ABCB9: variants seen among roughly 807,000 people sequenced by gnomAD.
ABCB9 encodes ABC-type oligopeptide transporter ABCB9.
In ABCB9, 36 loss-of-function variants were observed where a neutral mutation model predicts 62.0. The ratio of observed to expected loss-of-function variants is 0.58; its 90% CI spans 0.45 to 0.77. The LOEUF is 0.77. Among genes scored for constraint, ABCB9 ranks in the 30% least tolerant of loss-of-function variants. ABCB9 has a pLI of 0.00. For missense variants in ABCB9, 943 were observed against 1,054.7 expected (o/e 0.89, Z 1.47); for synonymous variants, 435 against 461.4 (o/e 0.94, Z 0.73).
chr12:122,967,436 A>G (rs78262947), upstream of ABCB9, among the ~76,000 whole-genome samples: 6,728 of 152,200 alleles, frequency 0.044, 490 homozygotes, highest in African/African-American at 0.15. Flanking sequence ...GGGGGAGTGG[A>G]CTTACGGCCC....
At chr12:122,931,719 C>T (rs562291956) in intron 11 of ABCB9, 280 of 174,100 alleles carry the variant, frequency 1.6e-3, no homozygotes, top group African/African-American at 6.2e-3. Context: ...TCTCGGCTGA[C>T]TGCAACCTCC....
chr12:122,970,340 T>C (rs1169269620), upstream of ABCB9, among the ~76,000 whole-genome samples: 1 of 150,730 alleles, frequency 6.6e-6, no homozygotes, highest in African/African-American at 2.4e-5. Context: ...CCCCACCTCC[T>C]AGGCTCCAGT....
chr12:122,932,078 T>A lies in ABCB9; in HGVS notation c.2040+114A>T. On this transcript the variant is annotated intron_variant, in intron 11 of 11. Coordinates refer to ENST00000280560, the MANE Select transcript of ABCB9 (RefSeq NM_019625.4). The surrounding 1 kb of genome is among the most constrained non-coding windows in gnomAD (Gnocchi z 4.7). Reference sequence around the variant, plus strand: ...ATTCACCAGCCCAGGAGGCTGATAGTCTGGGAGAGCTCCTGGGGCCCGTCT... The same window carrying A: ...ATTCACCAGCCCAGGAGGCTGATAGACTGGGAGAGCTCCTGGGGCCCGTCT... 1 of 1,522,078 alleles carries A rather than the reference T, an allele frequency of 6.6e-7. No individual in the cohort carries two copies. Among genetic ancestry groups the A allele is most frequent in the East Asian group, 2.5e-5 (1 of 40,788 alleles). 94.3% of individuals were successfully genotyped at this position (1,522,078 alleles called of 1,614,324 possible).
At chr12:122,934,997 C>A (rs2035384296) in intron 10 of ABCB9, among the ~76,000 whole-genome samples, 1 of 152,068 alleles carries the variant, frequency 6.6e-6, no homozygotes, top group Non-Finnish European at 1.5e-5. Flanking sequence ...TTCCCAGCAG[C>A]ATAATATTCC....
At chr12:122,948,956 G>T in intron 4 of ABCB9, 127 bp from the exon 5 acceptor site, 1 of 723,236 alleles carries the variant, frequency 1.4e-6, no homozygotes, top group Non-Finnish European at 2.1e-6. Flanking sequence ...GCGGGGTTGG[G>T]GGGTGGGGGA....
At position 122,935,442 on chromosome 12, in the gene ABCB9, G is replaced by GGGAGCAT. The variant is rs759840557; in HGVS notation, c.1744-18_1744-12dup. On this transcript the variant is annotated splice_polypyrimidine_tract_variant and intron_variant, in intron 9 of 11. Transcript: ENST00000280560. ...GCTCACCAGGGAGATCTGGGGAGGAGGGAGCATGGAGCATGAGAGGCCAGG... is the reference window on the plus strand; with the variant it reads ...GCTCACCAGGGAGATCTGGGGAGGAGGGAGCATGGAGCATGGAGCATGAGAGGCCAGG... 6.2e-7 allele frequency: 1 copy of GGGAGCAT among 1,611,816 alleles called. No homozygotes were observed. Among genetic ancestry groups the GGGAGCAT allele is most frequent in the South Asian group, 1.1e-5 (1 of 90,820 alleles).
intron 5 of ABCB9, 163 bp from the exon 6 acceptor site, chr12:122,946,385 C>T: frequency 1.5e-6 from 1 of 677,514 alleles, no homozygotes; most frequent in Non-Finnish European, 2.5e-6. Flanking sequence ...TCCCCCATCC[C>T]CTTCTGGCTC....
intron 5 of ABCB9, 148 bp from the exon 6 acceptor site, chr12:122,946,370 C>T (rs1279721898): frequency 1.4e-6 from 1 of 740,074 alleles, no homozygotes; most frequent in South Asian, 1.8e-5. Context: ...AGATCTAGCC[C>T]TTTCTCCCCC....
chr12:122,924,947 C>G, downstream of ABCB9: 3 of 890,260 alleles, frequency 3.4e-6, no homozygotes, highest in Non-Finnish European at 5.2e-6. Flanking sequence ...GACAGAGTCT[C>G]ACTCTGTCAC....
At chr12:122,963,834 A>C (rs1305798306) in intron 1 of ABCB9, among the ~76,000 whole-genome samples, 1 of 152,068 alleles carries the variant, frequency 6.6e-6, no homozygotes, top group Non-Finnish European at 1.5e-5. Flanking sequence ...CCCTCCAAAG[A>C]CGGTCAGGGC....
At position 122,959,050 on chromosome 12, in the gene ABCB9, A is replaced by G. The variant is rs1297286400; in HGVS notation, c.601+585T>C. On this transcript the variant is annotated intron_variant, in intron 2 of 11. Transcript: ENST00000280560. The surrounding 1 kb of genome is among the most constrained non-coding windows in gnomAD (Gnocchi z 5.4). ...GCGCCTGGCCTATTTTTTCGTTTTA[A>G]ATTACATAAAATAGAAATGGGGCAG... Among the ~76,000 whole-genome samples the G allele has an allele frequency of 6.8e-6, 1 of 147,594 alleles. No homozygotes were observed.
intron 9 of ABCB9, among the ~76,000 whole-genome samples, chr12:122,939,057 A>G (rs1210548795): frequency 1.3e-5 from 2 of 151,988 alleles, no homozygotes; most frequent in Non-Finnish European, 2.9e-5. Context: ...CTGTAATCCC[A>G]GCTACTAGGG....
chr12:122,940,100 C>G lies in ABCB9; in HGVS notation c.1743+11G>C. 4 of 1,606,204 alleles carry G rather than the reference C, an allele frequency of 2.5e-6. No individual in the cohort carries two copies. Among genetic ancestry groups the G allele is most frequent in the Non-Finnish European group, 3.4e-6 (4 of 1,176,614 alleles). ...AGGGCGGAGAAGTGTGGCCCAGGCCCGTGCACATACCACACGGTGCAAGTA... is the reference window on the plus strand; with the variant it reads ...AGGGCGGAGAAGTGTGGCCCAGGCCGGTGCACATACCACACGGTGCAAGTA... On this transcript the variant is annotated intron_variant, in intron 9 of 11. Transcript: ENST00000280560. The surrounding 1 kb of genome is among the most constrained non-coding windows in gnomAD (Gnocchi z 4.8).
intron 9 of ABCB9, among the ~76,000 whole-genome samples, chr12:122,937,370 A>AG (rs1402672329): frequency 6.6e-6 from 1 of 151,928 alleles, no homozygotes; most frequent in Non-Finnish European, 1.5e-5. Flanking sequence ...AAAAAAAAAA[A>AG]AGAAAAGAAA....
At chr12:122,933,478 C>T (rs547542093) in intron 10 of ABCB9, among the ~76,000 whole-genome samples, 4 of 151,818 alleles carry the variant, frequency 2.6e-5, no homozygotes, top group African/African-American at 7.2e-5. Flanking sequence ...CACTTGAACC[C>T]GGGAGGAAGA....
chr12:122,968,150 GAGAAT>G (rs1174997334), upstream of ABCB9, among the ~76,000 whole-genome samples: 3 of 152,148 alleles, frequency 2.0e-5, no homozygotes, highest in Non-Finnish European at 4.4e-5. Context: ...AAACCAAGGA[GAGAAT>G]AAAGTTGAAC....
chr12:122,936,670 C>T (rs775947242), intron 9 of ABCB9, among the ~76,000 whole-genome samples: 2 of 151,814 alleles, frequency 1.3e-5, no homozygotes, highest in Non-Finnish European at 2.9e-5. Flanking sequence ...TTTGGGAGGC[C>T]GAGGTGGGCG....
chr12:122,964,551 G>A lies in ABCB9; in HGVS notation c.-88+1736C>T, dbSNP rs2037074001. On this transcript the variant is annotated intron_variant, in intron 1 of 11. Coordinates refer to ENST00000280560, the MANE Select transcript of ABCB9 (RefSeq NM_019625.4). The surrounding 1 kb of genome is among the most constrained non-coding windows in gnomAD (Gnocchi z 4.7). ...GACTCCAGCCCCGGGTCGGGTTACA[G>A]TCCTCGGTGGGGACAGTTACTCCGT... Among the ~76,000 whole-genome samples the A allele has an allele frequency of 6.6e-6, 1 of 152,244 alleles. No homozygotes were observed. Among genetic ancestry groups the A allele is most frequent in the African/African-American group, 2.4e-5 (1 of 41,458 alleles).
intron 11 of ABCB9, among the ~76,000 whole-genome samples, chr12:122,922,505 G>A (rs764279320): frequency 1.2e-4 from 18 of 151,942 alleles, no homozygotes; most frequent in Non-Finnish European, 2.2e-4. Context: ...TCAGCTTCCC[G>A]AGTAGCTGGG....
Sources: allele counts gnomAD v4.1 joint callset (sites outside exome capture counted in the v4.1 genomes callset), GRCh38; gene constraint gnomAD v4.1.1; non-coding constraint Gnocchi (gnomAD v3.1); transcripts MANE v1.5; gene names NCBI Gene and HGNC (gene_info 2026-07-23, HGNC 2026-07-21).